PLAAT1: variants seen among roughly 807,000 people sequenced by gnomAD.
The protein encoded by PLAAT1 is phospholipase A and acyltransferase 1.
Under a neutral mutation model 16.4 loss-of-function variants are expected in PLAAT1, and 13 were observed. The observed-to-expected ratio is 0.79, with a 90% CI of 0.52 to 1.26. The LOEUF (loss-of-function observed/expected upper bound fraction) is 1.26. Among genes scored for constraint, PLAAT1 ranks in the 50% most tolerant of loss-of-function variants. The probability of loss-of-function intolerance (pLI) is 0.00; values close to 1 mark genes in which losing one functional copy is unlikely to be tolerated. For missense variants in PLAAT1, 218 were observed against 207.8 expected (o/e 1.05, Z -0.30); for synonymous variants, 73 against 78.4 (o/e 0.93, Z 0.36).
chr3:193,276,009 T>C (rs1249761162), intron 2 of PLAAT1, among the ~76,000 whole-genome samples: 1 of 152,194 alleles, frequency 6.6e-6, no homozygotes, highest in African/African-American at 2.4e-5. Flanking sequence ...TTGAATGTAA[T>C]ATTTTGCCAC....
chr3:193,277,171 A>G (rs1717256564), intron 2 of PLAAT1, among the ~76,000 whole-genome samples: 1 of 152,194 alleles, frequency 6.6e-6, no homozygotes, highest in Admixed American at 6.5e-5. Flanking sequence ...GGCTAAGATT[A>G]AATCATTCAT....
chr3:193,255,532 C>A, intron 1 of PLAAT1, 119 bp from the exon 2 acceptor site: 2 of 969,800 alleles, frequency 2.1e-6, no homozygotes, highest in Non-Finnish European at 1.5e-6. Flanking sequence ...GATTCTAAGT[C>A]TTTAATATAG....
At chr3:193,240,799 C>T (rs1242878421), upstream of PLAAT1, among the ~76,000 whole-genome samples, 2 of 151,848 alleles carry the variant, frequency 1.3e-5, no homozygotes, top group Admixed American at 1.3e-4. Context: ...ACTCAAAGAC[C>T]CAGAGGCTTT....
chr3:193,241,032 G>A (rs572536384), upstream of PLAAT1: 52 of 412,508 alleles, frequency 1.3e-4, no homozygotes, highest in East Asian at 1.9e-3. Flanking sequence ...CTGGTTGCGC[G>A]GCGCTTTGAC....
Position 193,241,243 on chromosome 3 carries a change from G to T in PLAAT1, c.-291G>T. 1 of 1,226,222 alleles carries T rather than the reference G, an allele frequency of 8.2e-7. No homozygotes were observed. The highest frequency in any genetic ancestry group is 1.0e-6 in the Non-Finnish European group (1 of 984,418). The allele number at this position is 1,226,222 out of a possible 1,614,324, so 76.0% of individuals were successfully genotyped here. A position where few individuals can be genotyped will look rare whatever the true frequency, so the allele number is the denominator to read the frequency against. Reference sequence around the variant, plus strand: ...CATGGTCAGAGCCTCGTGCCGGCTCGGCAGCGCCCGGACGCCGAGCCCAGC... The same window carrying T: ...CATGGTCAGAGCCTCGTGCCGGCTCTGCAGCGCCCGGACGCCGAGCCCAGC... On this transcript the variant is annotated 5_prime_UTR_variant, in exon 1 of 4. Transcript: ENST00000264735.
intron 1 of PLAAT1, among the ~76,000 whole-genome samples, chr3:193,247,235 C>A (rs761555263): frequency 1.3e-5 from 2 of 152,140 alleles, no homozygotes; most frequent in African/African-American, 2.4e-5. Context: ...AGTAAAGGAT[C>A]CCCAGAGAAC....
At chr3:193,263,560 A>C (rs1716669514) in intron 3 of PLAAT1, among the ~76,000 whole-genome samples, 1 of 152,210 alleles carries the variant, frequency 6.6e-6, no homozygotes, top group African/African-American at 2.4e-5. Flanking sequence ...TATACTGAAA[A>C]GAATATGCTA....
chr3:193,256,140 T>A (rs1716363930), intron 2 of PLAAT1, among the ~76,000 whole-genome samples: 1 of 152,192 alleles, frequency 6.6e-6, no homozygotes, highest in Admixed American at 6.5e-5. Context: ...ATAGATCACC[T>A]AGTATGTTCT....
chr3:193,263,090 A>T lies in PLAAT1; in HGVS notation c.260A>T (p.Asp87Val). ...NDTYRINNKY[D>V]ETYPPLPVEE... ...ACATACAGAATAAACAATAAATACG[A>T]TGAAACGTACCCCCCTCTCCCTGTG... Residue 87 changes from aspartate (D) to valine (V), a missense_variant, in exon 3 of 4, where the codon GAT (aspartate) becomes GTT (valine). Physicochemically the swap from Asp to Val is radical, Grantham distance 152. Transcript: ENST00000264735. 1.2e-6 allele frequency: 2 copies of T among 1,614,192 alleles called. No individual in the cohort carries two copies. Among genetic ancestry groups the T allele is most frequent in the Non-Finnish European group, 1.7e-6 (2 of 1,180,034 alleles).
chr3:193,280,170 C>T (rs1233268980), downstream of PLAAT1, among the ~76,000 whole-genome samples: 1 of 152,030 alleles, frequency 6.6e-6, no homozygotes, highest in African/African-American at 2.4e-5. Flanking sequence ...CCTGCTTCAG[C>T]CTCCCAAGTA....
chr3:193,260,610 T>C (rs1447768088), intron 2 of PLAAT1, among the ~76,000 whole-genome samples: 1 of 151,968 alleles, frequency 6.6e-6, no homozygotes, highest in Non-Finnish European at 1.5e-5. Flanking sequence ...TCATCATCAC[T>C]AATCATAGAA....
chr3:193,276,047 C>G (rs959911394), intron 2 of PLAAT1, among the ~76,000 whole-genome samples: 3 of 152,132 alleles, frequency 2.0e-5, no homozygotes, highest in Non-Finnish European at 4.4e-5. Context: ...TAAGTGCCTT[C>G]ATACATGTAG....
chr3:193,244,750 T>C (rs1284023537), intron 1 of PLAAT1, among the ~76,000 whole-genome samples: 3 of 152,174 alleles, frequency 2.0e-5, no homozygotes, highest in African/African-American at 7.2e-5. Context: ...GAGTATCACA[T>C]GGTAAGGGGG....
At chr3:193,275,196 G>A (rs575706144), downstream of PLAAT1, 42 of 1,614,084 alleles carry the variant, frequency 2.6e-5, no homozygotes, top group Non-Finnish European at 3.6e-5. Flanking sequence ...AGGCCAGGTT[G>A]AGTCTTCTGC....
intron 3 of PLAAT1, among the ~76,000 whole-genome samples, chr3:193,263,880 G>A (rs147283682): frequency 1.3e-5 from 2 of 152,122 alleles, no homozygotes; most frequent in Admixed American, 1.3e-4. Context: ...CAGCATGTTC[G>A]TCTTTTCCCT....
chr3:193,241,492 C>T lies in PLAAT1; in HGVS notation c.-42C>T, dbSNP rs1234706117. ...AAGAGAGACCCCAGGACACACACAG[C>T]TGCCTCCCGGTGCGAGAAGAAGACC... On this transcript the variant is annotated 5_prime_UTR_variant, in exon 1 of 4. Transcript: ENST00000264735. 105 of 1,231,898 alleles carry T rather than the reference C, an allele frequency of 8.5e-5. 1 individual carries two copies. Among genetic ancestry groups the T allele is most frequent in the Non-Finnish European group, 1.0e-4 (102 of 988,216 alleles). The allele number at this position is 1,231,898 out of a possible 1,614,324, so 76.3% of individuals were successfully genotyped here.
chr3:193,273,415 T>C (rs1173409496), downstream of PLAAT1, among the ~76,000 whole-genome samples: 1 of 152,170 alleles, frequency 6.6e-6, no homozygotes, highest in Non-Finnish European at 1.5e-5. Flanking sequence ...AGAGGGATTG[T>C]TTTTATAGGA....
At chr3:193,271,070 T>C (rs76316419), downstream of PLAAT1, among the ~76,000 whole-genome samples, 1,609 of 152,320 alleles carry the variant, frequency 0.011, 55 homozygotes, top group East Asian at 0.072. Context: ...TGAAAGAAAT[T>C]TTAAGAACCC....
intron 1 of PLAAT1, among the ~76,000 whole-genome samples, chr3:193,244,185 C>G (rs1000503403): frequency 2.6e-5 from 4 of 152,022 alleles, no homozygotes; most frequent in African/African-American, 9.7e-5. Flanking sequence ...AATAAAGCTG[C>G]TATAAGCTTT....
Sources: gnomAD v4.1 joint callset for allele counts (sites outside exome capture counted in the v4.1 genomes callset) on GRCh38, gnomAD v4.1.1 for gene constraint, MANE v1.5 for transcripts, NCBI Gene and HGNC (gene_info 2026-07-23, HGNC 2026-07-21) for gene names.